KLRD1: variants seen among roughly 807,000 people sequenced by gnomAD.
KLRD1 encodes the protein natural killer cells antigen CD94.
KLRD1 carries 21 observed loss-of-function variants against 22.6 expected under a neutral mutation model. The ratio of observed to expected loss-of-function variants is 0.93; its 90% CI spans 0.66 to 1.34. KLRD1 has a LOEUF of 1.34. Ranked by LOEUF, KLRD1 falls within the 40% of genes most tolerant of loss-of-function variation. The probability of loss-of-function intolerance (pLI) is 0.00; values close to 1 mark genes in which losing one functional copy is unlikely to be tolerated. For missense variants in KLRD1, 183 were observed against 208.6 expected (o/e 0.88, Z 0.76); for synonymous variants, 59 against 71.1 (o/e 0.83, Z 0.85).
intron 1 of KLRD1, among the ~76,000 whole-genome samples, chr12:10,286,666 T>TC (rs1218079844): frequency 7.8e-6 from 1 of 127,476 alleles, no homozygotes; most frequent in Admixed American, 7.5e-5. Context: ...ATGGTGCTTT[T>TC]TTTTTTTTTT....
At chr12:10,276,017 A>C (rs1173964928) in intron 1 of KLRD1, among the ~76,000 whole-genome samples, 1 of 152,054 alleles carries the variant, frequency 6.6e-6, no homozygotes, top group Non-Finnish European at 1.5e-5. Flanking sequence ...TATTTTAATT[A>C]TATTTGTGTG....
rs775499878 is a variant in KLRD1 at position 10,318,190 on chromosome 12, A to T, written c.*3397A>T. ...GACAGCTCTTTGCTTATTTCCAGAGATGCCTAGGTGTCTGTTTTTGACTCT... is the reference window on the plus strand; with the variant it reads ...GACAGCTCTTTGCTTATTTCCAGAGTTGCCTAGGTGTCTGTTTTTGACTCT... On this transcript the variant is annotated 3_prime_UTR_variant, in exon 6 of 6. Coordinates refer to ENST00000336164, the MANE Select transcript of KLRD1 (RefSeq NM_002262.5). The T allele has an allele frequency of 1.3e-5, 2 of 152,210 alleles. No individual in the cohort carries two copies. Among genetic ancestry groups the T allele is most frequent in the Non-Finnish European group, 2.9e-5 (2 of 68,048 alleles). The allele number at this position is 152,210 out of a possible 1,614,324, so 9.4% of individuals were successfully genotyped here. A position where few individuals can be genotyped will look rare whatever the true frequency, so the allele number is the denominator to read the frequency against.
At chr12:10,256,392 T>A (rs1408079669) in intron 1 of KLRD1, among the ~76,000 whole-genome samples, 1 of 151,330 alleles carries the variant, frequency 6.6e-6, no homozygotes, top group African/African-American at 2.4e-5. Context: ...TCCCACTCAT[T>A]TTTTCCATTA....
chr12:10,289,618 C>T (rs1949746486), intron 1 of KLRD1, among the ~76,000 whole-genome samples: 1 of 152,070 alleles, frequency 6.6e-6, no homozygotes, highest in African/African-American at 2.4e-5. Flanking sequence ...TCTGCCTATT[C>T]CCGAACCACA....
chr12:10,283,475 T>C (rs1348755111), intron 1 of KLRD1, among the ~76,000 whole-genome samples: 1 of 152,192 alleles, frequency 6.6e-6, no homozygotes, highest in Admixed American at 6.5e-5. Flanking sequence ...CAATATTGTA[T>C]TGTACATTTC....
In KLRD1 at chr12:10,314,719, A is replaced by G. The variant is rs751972926; in HGVS notation, c.466A>G (p.Asn156Asp). Residue 156 changes from asparagine (N) to aspartate (D), a missense_variant, in exon 6 of 6, where the codon AAT becomes GAT. By Grantham distance (23) the Asn-to-Asp change is conservative (BLOSUM62 1). Coordinates refer to ENST00000336164, the MANE Select transcript of KLRD1 (RefSeq NM_002262.5). Reference sequence around the variant, plus strand: ...TAATACAAAGAACTGCATAGCGTATAATCCAAATGGAAATGCTTTAGATGA... The same window carrying G: ...TAATACAAAGAACTGCATAGCGTATGATCCAAATGGAAATGCTTTAGATGA... Reference protein sequence around the residue: ...TFNTKNCIAYNPNGNALDESC... With the variant: ...TFNTKNCIAYDPNGNALDESC... 3 of 1,596,836 alleles carry G rather than the reference A, an allele frequency of 1.9e-6. No individual in the cohort carries two copies. The highest frequency in any genetic ancestry group is 1.7e-6 in the Non-Finnish European group (2 of 1,170,336).
At chr12:10,293,145 T>G (rs1226062509) in intron 1 of KLRD1, among the ~76,000 whole-genome samples, 1 of 91,992 alleles carries the variant, frequency 1.1e-5, no homozygotes, top group African/African-American at 4.2e-5. Context: ...TACAGACCAG[T>G]AAAACTTTCT....
chr12:10,325,870 T>G lies in KLRD1; in HGVS notation c.*11077T>G, dbSNP rs955771784. 6.6e-6 allele frequency: 1 copy of G among 152,204 alleles called. No homozygotes were observed. The highest frequency in any genetic ancestry group is 1.9e-4 in the East Asian group (1 of 5,206). The allele number at this position is 152,204 out of a possible 1,614,324, so 9.4% of individuals were successfully genotyped here. ...GATCATATGGTAGTTCTATTTTTAA[T>G]TTTTTGAGAAATCACCATCCTGTTT... On this transcript the variant is annotated 3_prime_UTR_variant, in exon 6 of 6. Coordinates refer to ENST00000336164, the MANE Select transcript of KLRD1 (RefSeq NM_002262.5).
intron 1 of KLRD1, among the ~76,000 whole-genome samples, chr12:10,245,803 T>C (rs998767213): frequency 3.3e-5 from 5 of 152,166 alleles, no homozygotes; most frequent in African/African-American, 1.2e-4. Flanking sequence ...TCATGTTTTA[T>C]TTCCCTTAAG....
chr12:10,295,333 C>T (rs759068487), intron 1 of KLRD1, among the ~76,000 whole-genome samples: 2 of 152,026 alleles, frequency 1.3e-5, no homozygotes, highest in Non-Finnish European at 2.9e-5. Flanking sequence ...CTCTGTCTCC[C>T]TTGTGACACT....
chr12:10,312,995 G>C lies in KLRD1; in HGVS notation c.316-415G>C, dbSNP rs7964452. Among the ~76,000 whole-genome samples the C allele has an allele frequency of 3.9e-3, 594 of 150,400 alleles. 3 individuals are homozygous for C. Among genetic ancestry groups the C allele is most frequent in the African/African-American group, 0.013 (539 of 41,052 alleles). On this transcript the variant is annotated intron_variant, in intron 4 of 5. Transcript: ENST00000336164. ...GAGCAAGACTCCCTCTCAACAAAAA[G>C]AAAAAAGAAAAAGCGAAAAACTTCT...
intron 1 of KLRD1, 133 bp downstream of exon 1, chr12:10,308,217 G>C (rs546457034): frequency 5.7e-6 from 4 of 707,330 alleles, no homozygotes; most frequent in Non-Finnish European, 1.0e-5. Context: ...TCATGCATTA[G>C]CACTTTCCAC....
At chr12:10,276,385 A>G (rs1453365497) in intron 1 of KLRD1, among the ~76,000 whole-genome samples, 1 of 152,124 alleles carries the variant, frequency 6.6e-6, no homozygotes, top group Non-Finnish European at 1.5e-5. Context: ...GTAGCCTTTG[A>G]CATTTTCTGT....
intron 1 of KLRD1, among the ~76,000 whole-genome samples, chr12:10,250,484 T>G (rs1263615676): frequency 6.6e-6 from 1 of 151,862 alleles, no homozygotes; most frequent in Non-Finnish European, 1.5e-5. Flanking sequence ...TGAGACGGGG[T>G]CTCACTCTGT....
At chr12:10,257,621 ACTTTT>A (rs373006422) in intron 1 of KLRD1, among the ~76,000 whole-genome samples, 41 of 146,582 alleles carry the variant, frequency 2.8e-4, no homozygotes, top group African/African-American at 5.2e-4. Flanking sequence ...TGTATCACCC[ACTTTT>A]CTTTAGTTAT....
intron 1 of KLRD1, among the ~76,000 whole-genome samples, chr12:10,270,626 T>C (rs1949540484): frequency 6.6e-6 from 1 of 152,156 alleles, no homozygotes; most frequent in African/African-American, 2.4e-5. Context: ...CTAAAAATTA[T>C]TTTGCAGATT....
chr12:10,277,123 T>G (rs935050319), intron 1 of KLRD1, among the ~76,000 whole-genome samples: 5 of 150,328 alleles, frequency 3.3e-5, no homozygotes, highest in African/African-American at 4.9e-5. Flanking sequence ...AGTTTTTTTT[T>G]TTTTTTTTTT....
chr12:10,311,640 C>T, intron 4 of KLRD1, 25 bp downstream of exon 4: 1 of 1,607,264 alleles, frequency 6.2e-7, no homozygotes, highest in Non-Finnish European at 8.5e-7. Flanking sequence ...TGATTTTCTA[C>T]ATTTTCTTTG....
At chr12:10,278,574 T>C (rs1373067257) in intron 1 of KLRD1, among the ~76,000 whole-genome samples, 2 of 152,214 alleles carry the variant, frequency 1.3e-5, no homozygotes, top group African/African-American at 4.8e-5. Flanking sequence ...TCTTGATTCC[T>C]ATTTATTTTC....
Sources: gnomAD v4.1 joint callset for allele counts (sites outside exome capture counted in the v4.1 genomes callset) on GRCh38, gnomAD v4.1.1 for gene constraint, MANE v1.5 for transcripts, NCBI Gene and HGNC (gene_info 2026-07-23, HGNC 2026-07-21) for gene names.